Variants in BCAS4 observed in about 807,000 individuals in gnomAD.
BCAS4 encodes the protein breast carcinoma amplified sequence 4.
In BCAS4, 9 loss-of-function variants were observed where a neutral mutation model predicts 15.7. That is an observed-to-expected ratio of 0.57 (90% CI 0.34 to 1.00). BCAS4 has a LOEUF of 1.00. Ranked by LOEUF, BCAS4 falls within the 50% of genes least tolerant of loss-of-function variation. BCAS4 has a pLI of 0.02. For missense variants in BCAS4, 225 were observed against 239.1 expected (o/e 0.94, Z 0.39); for synonymous variants, 101 against 99.5 (o/e 1.02, Z -0.09).
At chr20:50,796,611 C>T (rs1422692351) in intron 1 of BCAS4, among the ~76,000 whole-genome samples, 3 of 143,126 alleles carry the variant, frequency 2.1e-5, no homozygotes, top group Non-Finnish European at 4.5e-5. Context: ...TCTCCTGCCT[C>T]AGCCTCCCGA....
At chr20:50,875,513 C>T (rs1165913571) in intron 4 of BCAS4, among the ~76,000 whole-genome samples, 1 of 151,322 alleles carries the variant, frequency 6.6e-6, no homozygotes, top group African/African-American at 2.4e-5. Context: ...GCCTGTCATC[C>T]TAGCACTTTG....
rs370142449 is a variant in BCAS4, at chr20:50,830,396, C to T, written c.264+16C>T. The T allele has an allele frequency of 5.2e-5, 84 of 1,600,594 alleles. No individual in the cohort carries two copies. Among genetic ancestry groups the T allele is most frequent in the Non-Finnish European group, 6.1e-5 (72 of 1,171,274 alleles). ...CCGGCTAGAGGTACGTCTAGGCAAA[C>T]GAAGGTTCTGAGGCTGTGGACTTGA... On this transcript the variant is annotated intron_variant, in intron 3 of 4. Transcript: ENST00000371608.
intron 4 of BCAS4, among the ~76,000 whole-genome samples, chr20:50,849,806 T>C (rs1165143358): frequency 2.0e-5 from 3 of 152,180 alleles, no homozygotes; most frequent in Non-Finnish European, 4.4e-5. Context: ...AAAGTCAGTA[T>C]TTTTCTAACT....
At chr20:50,804,832 C>T (rs1600846404) in intron 1 of BCAS4, among the ~76,000 whole-genome samples, 2 of 152,284 alleles carry the variant, frequency 1.3e-5, no homozygotes, top group Admixed American at 1.3e-4. Flanking sequence ...CTGAGAGGAA[C>T]GAGTTCCCGA....
At chr20:50,840,777 A>C in intron 3 of BCAS4, 1 of 1,545,870 alleles carries the variant, frequency 6.5e-7, no homozygotes, top group Non-Finnish European at 8.9e-7. Flanking sequence ...GGAGCGAGGC[A>C]CGCGAGAACG....
chr20:50,798,949 T>C (rs1000875331), intron 1 of BCAS4, among the ~76,000 whole-genome samples: 1 of 152,194 alleles, frequency 6.6e-6, no homozygotes, highest in African/African-American at 2.4e-5. Flanking sequence ...TGGACCGTAA[T>C]TTATGAATCA....
intron 4 of BCAS4, among the ~76,000 whole-genome samples, chr20:50,874,653 G>T (rs1236499248): frequency 6.6e-6 from 1 of 152,200 alleles, no homozygotes; most frequent in African/African-American, 2.4e-5. Flanking sequence ...GTGGACAGAT[G>T]CTTGGAGGAT....
At chr20:50,831,474 C>G (rs955809799) in intron 3 of BCAS4, among the ~76,000 whole-genome samples, 2 of 152,120 alleles carry the variant, frequency 1.3e-5, no homozygotes, top group African/African-American at 4.8e-5. Flanking sequence ...CGTGGGCTCT[C>G]CAGTCTTCCA....
chr20:50,850,832 C>CA (rs886993618), intron 4 of BCAS4, among the ~76,000 whole-genome samples: 29 of 152,310 alleles, frequency 1.9e-4, no homozygotes, highest in African/African-American at 6.3e-4. Context: ...TAGTCATCAG[C>CA]AGATGTTCTG....
intron 4 of BCAS4, among the ~76,000 whole-genome samples, chr20:50,871,910 G>T (rs1365711607): frequency 6.6e-6 from 1 of 152,202 alleles, no homozygotes; most frequent in Non-Finnish European, 1.5e-5. Flanking sequence ...CCTGAGCTGT[G>T]GGGGAGGTGG....
intron 1 of BCAS4, among the ~76,000 whole-genome samples, chr20:50,811,167 A>T (rs78081095): frequency 6.6e-6 from 1 of 152,006 alleles, no homozygotes; most frequent in African/African-American, 2.4e-5. Context: ...GGAGGCCCCC[A>T]TTAGGTGTTT....
intron 1 of BCAS4, among the ~76,000 whole-genome samples, chr20:50,806,199 G>A (rs2087987582): frequency 6.6e-6 from 1 of 152,120 alleles, no homozygotes. Context: ...AGAGTCTGTG[G>A]ATTGTTTTTC....
chr20:50,819,138 G>A (rs1373227984), intron 2 of BCAS4, among the ~76,000 whole-genome samples: 1 of 151,846 alleles, frequency 6.6e-6, no homozygotes, highest in East Asian at 1.9e-4. Flanking sequence ...AGCTGAGATT[G>A]CGCCACTGCA....
At chr20:50,820,973 C>G (rs2088206831) in intron 2 of BCAS4, among the ~76,000 whole-genome samples, 1 of 152,204 alleles carries the variant, frequency 6.6e-6, no homozygotes, top group African/African-American at 2.4e-5. Flanking sequence ...TCCGGCTTCT[C>G]TCAGAAAAGC....
intron 2 of BCAS4, among the ~76,000 whole-genome samples, chr20:50,827,156 C>T (rs1180597133): frequency 1.3e-5 from 2 of 152,204 alleles, no homozygotes; most frequent in Non-Finnish European, 2.9e-5. Flanking sequence ...CCACATGGCA[C>T]GAGGTTGTCA....
chr20:50,807,308 C>T (rs140908697), intron 1 of BCAS4, among the ~76,000 whole-genome samples: 20,832 of 152,004 alleles, frequency 0.14, 1,518 homozygotes, highest in South Asian at 0.16. Context: ...TCCTCCCACC[C>T]CAGCCTCCCA....
intron 4 of BCAS4, among the ~76,000 whole-genome samples, chr20:50,850,465 T>G (rs183265609): frequency 5.6e-4 from 86 of 152,348 alleles, no homozygotes; most frequent in African/African-American, 2.0e-3. Context: ...ACTCGAGATC[T>G]TTGGGCTAGT....
intron 4 of BCAS4, among the ~76,000 whole-genome samples, chr20:50,865,705 T>G (rs1979322427): frequency 6.6e-6 from 1 of 152,086 alleles, no homozygotes; most frequent in Non-Finnish European, 1.5e-5. Context: ...CCAGCTGCTG[T>G]GGTCACTGGG....
At chr20:50,806,301 C>T (rs545319566) in intron 1 of BCAS4, among the ~76,000 whole-genome samples, 2 of 152,314 alleles carry the variant, frequency 1.3e-5, no homozygotes, top group South Asian at 2.1e-4. Flanking sequence ...GGGACTAAGG[C>T]GCCGCCCAGG....
Sources: allele counts gnomAD v4.1 joint callset (sites outside exome capture counted in the v4.1 genomes callset), GRCh38; gene constraint gnomAD v4.1.1; transcripts MANE v1.5; gene names NCBI Gene and HGNC (gene_info 2026-07-23, HGNC 2026-07-21).